The following TRAPPC8 variants were observed in gnomAD, a reference collection of about 807,000 sequenced individuals.
The protein encoded by TRAPPC8 is trafficking protein particle complex subunit 8, also known as general sporulation gene 1 homolog.
A neutral mutation model predicts 174.3 loss-of-function variants in TRAPPC8; 54 were observed. The observed-to-expected ratio is 0.31, with a 90% CI of 0.25 to 0.39. The LOEUF (loss-of-function observed/expected upper bound fraction) is 0.39, where lower values mean the gene tolerates loss of function less well. Ranked by LOEUF, TRAPPC8 falls within the 10% of genes least tolerant of loss-of-function variation. The pLI is 1.00. For missense variants in TRAPPC8, 1,531 were observed against 1,699.1 expected (o/e 0.90, Z 1.74); for synonymous variants, 630 against 579.9 (o/e 1.09, Z -1.24).
intron 24 of TRAPPC8, among the ~76,000 whole-genome samples, chr18:31,850,199 C>T (rs2033637096): frequency 6.6e-6 from 1 of 152,098 alleles, no homozygotes; most frequent in Non-Finnish European, 1.5e-5. Flanking sequence ...CATTTGCCTG[C>T]CTCAGCCTCC....
At chr18:31,921,618 CAAAAAAAA>C (rs34622423) in intron 2 of TRAPPC8, among the ~76,000 whole-genome samples, 1 of 61,854 alleles carries the variant, frequency 1.6e-5, no homozygotes, top group Non-Finnish European at 3.6e-5. Context: ...GACTCCGTCT[CAAAAAAAA>C]AAAAAAAAAA....
At chr18:31,848,442 C>A (rs977239325) in intron 25 of TRAPPC8, among the ~76,000 whole-genome samples, 1 of 152,096 alleles carries the variant, frequency 6.6e-6, no homozygotes, top group Admixed American at 6.6e-5. Context: ...TGCCAAAGAT[C>A]GTTATACACT....
intron 24 of TRAPPC8, 45 bp downstream of exon 24, chr18:31,852,401 A>C (rs749672879): frequency 6.3e-7 from 1 of 1,595,204 alleles, no homozygotes; most frequent in African/African-American, 1.4e-5. Flanking sequence ...CAGATATGCT[A>C]TAACTATGAC....
intron 6 of TRAPPC8, chr18:31,909,450 A>T: frequency 3.6e-6 from 2 of 553,426 alleles, no homozygotes; most frequent in Non-Finnish European, 4.6e-6. Flanking sequence ...AAAATATTTT[A>T]AAAGAAATCT....
In TRAPPC8 at chr18:31,870,458, G is replaced by C. The variant is rs1323571436; in HGVS notation, c.2302C>G (p.Leu768Val). The change falls in exon 16 of 29, where the codon CTA becomes GTA. Residue 768 changes from leucine (L) to valine (V), a missense_variant. Transcript: ENST00000283351. ...EVAFRNPLKVLLLLTDLSLLW... is the reference protein window; with the variant it reads ...EVAFRNPLKVVLLLTDLSLLW... ...AATGACAAATCAGTCAACAAAAGTAGAACTTTCAAAGGGTTTCTAAAAGCC... is the reference window on the plus strand; with the variant it reads ...AATGACAAATCAGTCAACAAAAGTACAACTTTCAAAGGGTTTCTAAAAGCC... 2 of 1,611,436 alleles carry C rather than the reference G, an allele frequency of 1.2e-6. No individual in the cohort carries two copies. The highest frequency in any genetic ancestry group is 1.1e-5 in the South Asian group (1 of 90,726).
chr18:31,886,852 G>A (rs138821044), intron 12 of TRAPPC8, among the ~76,000 whole-genome samples: 4 of 151,968 alleles, frequency 2.6e-5, no homozygotes, highest in Admixed American at 6.6e-5. Flanking sequence ...GTGGTGGCAC[G>A]TACCCGTAGT....
chr18:31,875,599 C>T (rs2035103654), intron 12 of TRAPPC8, among the ~76,000 whole-genome samples: 1 of 152,154 alleles, frequency 6.6e-6, no homozygotes, highest in Admixed American at 6.5e-5. Context: ...TTTCAAGGTG[C>T]TGTTGGCAAG....
At chr18:31,935,254 T>C (rs996477198) in intron 1 of TRAPPC8, among the ~76,000 whole-genome samples, 14 of 150,100 alleles carry the variant, frequency 9.3e-5, no homozygotes, top group Admixed American at 1.3e-4. Context: ...TGAGGCAGAA[T>C]TGCTTGAACC....
At chr18:31,886,708 C>T (rs758534922) in intron 12 of TRAPPC8, among the ~76,000 whole-genome samples, 2 of 152,078 alleles carry the variant, frequency 1.3e-5, no homozygotes, top group East Asian at 1.9e-4. Context: ...GGGTGCCGAG[C>T]GCAATGGCTC....
intron 26 of TRAPPC8, 63 bp downstream of exon 26, chr18:31,846,653 A>G (rs2033421075): frequency 2.2e-6 from 3 of 1,337,550 alleles, no homozygotes; most frequent in Non-Finnish European, 3.1e-6. Context: ...CCAACCAACC[A>G]AACAACAACA....
At chr18:31,908,256 C>A in intron 8 of TRAPPC8, 47 bp downstream of exon 8, 1 of 1,190,724 alleles carries the variant, frequency 8.4e-7, no homozygotes, top group South Asian at 1.5e-5. Flanking sequence ...AAACACTAGT[C>A]AGAGAGTTAA....
intron 1 of TRAPPC8, among the ~76,000 whole-genome samples, chr18:31,940,219 G>A (rs1319082875): frequency 6.6e-6 from 1 of 152,196 alleles, no homozygotes; most frequent in African/African-American, 2.4e-5. Flanking sequence ...GCTCACGCCT[G>A]TAATCCCAGC....
At chr18:31,837,630 A>G (rs183380085) in intron 27 of TRAPPC8, among the ~76,000 whole-genome samples, 1 of 152,234 alleles carries the variant, frequency 6.6e-6, no homozygotes, top group East Asian at 1.9e-4. Flanking sequence ...CCTGGGAGGC[A>G]GAGTTTGCAG....
rs35890295 is a variant in TRAPPC8 at position 31,830,956 on chromosome 18, T to A, written c.4107A>T (p.Thr1369=). 2.5e-6 allele frequency: 4 copies of A among 1,613,876 alleles called. No homozygotes were observed. Among genetic ancestry groups the A allele is most frequent in the Non-Finnish European group, 3.4e-6 (4 of 1,179,830 alleles). ...GTTTATACTGTGTTTGTCCAAGCCA[T>A]GTGAATGATCCATGGATTTCCAGTG... The part of the protein sequence containing the change: ...PEALEIHGSF[T]WLGQTQYKLQ... The change falls in exon 29 of 29, where the codon ACA becomes ACT. Residue 1369 remains threonine (T), a synonymous_variant. Transcript: ENST00000283351.
At chr18:31,911,380 G>C (rs1313356223) in intron 5 of TRAPPC8, among the ~76,000 whole-genome samples, 2 of 151,652 alleles carry the variant, frequency 1.3e-5, no homozygotes, top group African/African-American at 2.4e-5. Context: ...GAACCCAGGA[G>C]GTGGAGGTTG....
intron 1 of TRAPPC8, among the ~76,000 whole-genome samples, chr18:31,936,965 C>A (rs911095194): frequency 5.7e-5 from 8 of 140,228 alleles, no homozygotes; most frequent in Non-Finnish European, 1.1e-4. Flanking sequence ...GTAATCCCAA[C>A]ACTTTGGGAG....
At chr18:31,881,959 T>C (rs969780357) in intron 12 of TRAPPC8, among the ~76,000 whole-genome samples, 1 of 152,096 alleles carries the variant, frequency 6.6e-6, no homozygotes, top group Non-Finnish European at 1.5e-5. Context: ...AGAATGGCTA[T>C]TTTAAAAGGC....
intron 16 of TRAPPC8, among the ~76,000 whole-genome samples, chr18:31,869,002 C>CTTT (rs111488120): frequency 8.5e-5 from 12 of 141,428 alleles, no homozygotes; most frequent in African/African-American, 3.1e-4. Context: ...TTCCAAAATC[C>CTTT]TTTTTTTTTT....
intron 12 of TRAPPC8, among the ~76,000 whole-genome samples, chr18:31,884,200 CA>C (rs1486980599): frequency 6.6e-6 from 1 of 152,078 alleles, no homozygotes; most frequent in Non-Finnish European, 1.5e-5. Flanking sequence ...AAAACAAAAA[CA>C]AAACCAGATG....
Sources: allele counts gnomAD v4.1 joint callset (sites outside exome capture counted in the v4.1 genomes callset), GRCh38; gene constraint gnomAD v4.1.1; transcripts MANE v1.5; gene names NCBI Gene and HGNC (gene_info 2026-07-23, HGNC 2026-07-21).